GRK2: variants seen among roughly 807,000 people sequenced by gnomAD.
GRK2 encodes adrenergic beta receptor kinase 1.
In GRK2, 23 loss-of-function variants were observed where a neutral mutation model predicts 97.8. That is an observed-to-expected ratio of 0.24 (90% CI 0.17 to 0.33). The LOEUF (loss-of-function observed/expected upper bound fraction) is 0.33, where lower values mean the gene tolerates loss of function less well. Ranked by LOEUF, GRK2 falls within the 10% of genes least tolerant of loss-of-function variation. GRK2 has a pLI of 1.00. For missense variants in GRK2, 633 were observed against 956.9 expected (o/e 0.66, Z 4.47); for synonymous variants, 425 against 381.7 (o/e 1.11, Z -1.32).
At chr11:67,280,897 C>A in intron 7 of GRK2, 114 bp downstream of exon 7, 2 of 1,335,770 alleles carry the variant, frequency 1.5e-6, no homozygotes, top group Non-Finnish European at 2.1e-6. Flanking sequence ...GTCCTTTAGC[C>A]CCCAGGGCCG....
At position 67,281,285 on chromosome 11, in the gene GRK2, A is replaced by T; in HGVS notation, c.647+101A>T. On this transcript the variant is annotated intron_variant, in intron 8 of 20. Transcript: ENST00000308595. This position sits in a 1 kb window ranked among gnomAD's most constrained non-coding sequence, Gnocchi z 5.7. The stretch of plus-strand genomic sequence containing the variant: ...CACAGGGCCACCTGCTGCTCCATGC[A>T]CTCCTGTCTTGCCGTGCTGTTACCC... The T allele has an allele frequency of 8.6e-7, 1 of 1,164,920 alleles. No homozygotes were observed. Among genetic ancestry groups the T allele is most frequent in the Non-Finnish European group, 1.2e-6 (1 of 802,602 alleles). The allele number at this position is 1,164,920 out of a possible 1,614,324, so 72.2% of individuals were successfully genotyped here.
chr11:67,267,549 C>T (rs576461712), intron 1 of GRK2, among the ~76,000 whole-genome samples: 2 of 152,332 alleles, frequency 1.3e-5, no homozygotes, highest in South Asian at 2.1e-4. Flanking sequence ...TCTGGCAGGC[C>T]CTGCATATGG....
chr11:67,282,036 AG>A lies in GRK2; in HGVS notation c.957+85del, dbSNP rs1860163991. The A allele has an allele frequency of 6.4e-7, 1 of 1,570,756 alleles. No homozygotes were observed. Among genetic ancestry groups the A allele is most frequent in the African/African-American group, 1.4e-5 (1 of 74,070 alleles). On this transcript the variant is annotated intron_variant, in intron 11 of 20. Coordinates refer to ENST00000308595, the MANE Select transcript of GRK2 (RefSeq NM_001619.5). The surrounding 1 kb of genome is among the most constrained non-coding windows in gnomAD (Gnocchi z 6.9). Reference sequence around the variant, plus strand: ...ACATCCCGGCCACCAGGCCCAGAGGAGTGGGGCTCCTGGGACATGGCCGCCC... The same window carrying A: ...ACATCCCGGCCACCAGGCCCAGAGGATGGGGCTCCTGGGACATGGCCGCCC...
At chr11:67,284,501 G>A in intron 18 of GRK2, 128 bp downstream of exon 18, 2 of 1,166,416 alleles carry the variant, frequency 1.7e-6, no homozygotes, top group South Asian at 3.0e-5. Context: ...AACTCAGGCT[G>A]GGGCCGGGCA....
chr11:67,282,868 G>A lies in GRK2; in HGVS notation c.1227+50G>A. On this transcript the variant is annotated intron_variant, in intron 14 of 20. Transcript: ENST00000308595. The surrounding 1 kb of genome is among the most constrained non-coding windows in gnomAD (Gnocchi z 6.9). ...CCGCAGGGGGCTGGGGGGAGCTCCT[G>A]TGGGTGCCAGGCCATGACTCTTGCT... is the stretch of plus-strand genomic sequence containing the variant. 1.3e-6 allele frequency: 2 copies of A among 1,559,366 alleles called. No homozygotes were observed. The highest frequency in any genetic ancestry group is 2.3e-5 in the South Asian group (2 of 87,738).
chr11:67,280,088 C>T, intron 6 of GRK2, 188 bp downstream of exon 6: 2 of 628,748 alleles, frequency 3.2e-6, no homozygotes, highest in East Asian at 2.8e-5. Context: ...CCCACCCTGC[C>T]CTCCTCAGCA....
intron 2 of GRK2, among the ~76,000 whole-genome samples, chr11:67,277,566 C>T (rs1470894946): frequency 1.3e-5 from 2 of 152,234 alleles, no homozygotes. Context: ...GGGGTGGGGG[C>T]CCAGAGTCTT....
rs1330250017 is a variant in GRK2, at chr11:67,276,960, G to T, written c.114-312G>T. On this transcript the variant is annotated intron_variant, in intron 1 of 20. Transcript: ENST00000308595. This position sits in a 1 kb window ranked among gnomAD's most constrained non-coding sequence, Gnocchi z 4.2. ...AAACCAGGCTTGGCTTTTGTGACTT[G>T]GCCAAGTTCCCAAAGCCAGCCGGTG... 2 of 259,928 alleles carry T rather than the reference G, an allele frequency of 7.7e-6. No individual in the cohort carries two copies. Among genetic ancestry groups the T allele is most frequent in the Non-Finnish European group, 7.4e-6 (1 of 134,666 alleles). 16.1% of individuals were successfully genotyped at this position (259,928 alleles called of 1,614,324 possible).
Position 67,282,507 on chromosome 11 carries a change from C to T in GRK2, c.1125C>T (p.Phe375=), listed in dbSNP as rs1365151324. Reference sequence around the variant, plus strand: ...CCTACGACAGCAGTGCCGACTGGTTCTCTCTGGGGTGCATGCTCTTCAAGT... The same window carrying T: ...CCTACGACAGCAGTGCCGACTGGTTTTCTCTGGGGTGCATGCTCTTCAAGT... ...GVAYDSSADW[F]SLGCMLFKLL... is the part of the protein sequence containing the mutation. The change falls in exon 13 of 21, where the codon TTC becomes TTT. Residue 375 remains phenylalanine, a synonymous_variant. Coordinates refer to ENST00000308595, the MANE Select transcript of GRK2 (RefSeq NM_001619.5). The surrounding 1 kb of genome is among the most constrained non-coding windows in gnomAD (Gnocchi z 6.9). 2 of 1,613,724 alleles carry T rather than the reference C, an allele frequency of 1.2e-6. No individual in the cohort carries two copies. Among genetic ancestry groups the T allele is most frequent in the Non-Finnish European group, 1.7e-6 (2 of 1,179,988 alleles).
chr11:67,266,927 C>T, intron 1 of GRK2, 115 bp downstream of exon 1: 1 of 365,414 alleles, frequency 2.7e-6, no homozygotes, highest in Non-Finnish European at 4.4e-6. Context: ...CCGGCTCTCG[C>T]AACCCCCTGT....
Position 67,281,810 on chromosome 11 carries a change from T to C in GRK2, c.827-12T>C. Reference sequence around the variant, plus strand: ...AGACACTGAGTGCTGCCTGTGGGACTGCCTCCCTCAGGTGGGGACCTGCAC... The same window carrying C: ...AGACACTGAGTGCTGCCTGTGGGACCGCCTCCCTCAGGTGGGGACCTGCAC... On this transcript the variant is annotated splice_polypyrimidine_tract_variant and intron_variant, in intron 10 of 20. Coordinates refer to ENST00000308595, the MANE Select transcript of GRK2 (RefSeq NM_001619.5). The surrounding 1 kb of genome is among the most constrained non-coding windows in gnomAD (Gnocchi z 5.7). The C allele has an allele frequency of 6.2e-7, 1 of 1,613,678 alleles. No homozygotes were observed. Among genetic ancestry groups the C allele is most frequent in the Non-Finnish European group, 8.5e-7 (1 of 1,179,968 alleles).
rs1017436404 is a variant in GRK2 at position 67,277,042 on chromosome 11, C to T, written c.114-230C>T. 8.2e-5 allele frequency: 36 copies of T among 436,736 alleles called. 1 individual carries two copies. The highest frequency in any genetic ancestry group is 1.6e-4 in the Admixed American group (4 of 25,120). 27.1% of individuals were successfully genotyped at this position (436,736 alleles called of 1,614,324 possible). ...GGCCTCTGAGCAGGGGGCCACCTGC[C>T]GGCCACCCTGGCCTTTGAGGACACA... is the stretch of plus-strand genomic sequence containing the variant. On this transcript the variant is annotated intron_variant, in intron 1 of 20. Coordinates refer to ENST00000308595, the MANE Select transcript of GRK2 (RefSeq NM_001619.5).
chr11:67,266,765 C>A lies in GRK2; in HGVS notation c.66C>A (p.Ala22=). The change falls in exon 1 of 21, where the codon GCC becomes GCA. Residue 22 remains alanine, a synonymous_variant. Coordinates refer to ENST00000308595, the MANE Select transcript of GRK2 (RefSeq NM_001619.5). ...TGATGGCCATGGAGAAGAGCAAGGC[C>A]ACGCCGGCCGCGCGCGCCAGCAAGA... ...SYLMAMEKSK[A]TPAARASKKI... 7.3e-7 allele frequency: 1 copy of A among 1,377,018 alleles called. No homozygotes were observed. Among genetic ancestry groups the A allele is most frequent in the Non-Finnish European group, 9.5e-7 (1 of 1,053,386 alleles). 85.3% of individuals were successfully genotyped at this position (1,377,018 alleles called of 1,614,324 possible).
chr11:67,270,578 C>T (rs1005166108), intron 1 of GRK2, among the ~76,000 whole-genome samples: 1 of 152,240 alleles, frequency 6.6e-6, no homozygotes, highest in African/African-American at 2.4e-5. Flanking sequence ...TCCTGCAGCA[C>T]CAGCTGAAAC....
intron 1 of GRK2, 69 bp downstream of exon 1, chr11:67,266,881 GC>G: frequency 1.3e-6 from 1 of 757,464 alleles, no homozygotes; most frequent in Non-Finnish European, 1.8e-6. Context: ...CGAGACCCTG[GC>G]CCCATGCTCG....
intron 17 of GRK2, 119 bp from the exon 18 acceptor site, chr11:67,284,092 G>A (rs550239564): frequency 1.9e-5 from 28 of 1,477,216 alleles, no homozygotes; most frequent in Admixed American, 1.4e-4. Context: ...AACTTCCCTG[G>A]GGGGTGGCAG....
chr11:67,271,840 A>G (rs564761931), intron 1 of GRK2, among the ~76,000 whole-genome samples: 12 of 152,254 alleles, frequency 7.9e-5, no homozygotes, highest in Admixed American at 7.2e-4. Flanking sequence ...AGTCATTGAG[A>G]AACATTAAGA....
At chr11:67,273,148 C>T (rs549578232) in intron 1 of GRK2, among the ~76,000 whole-genome samples, 3 of 152,232 alleles carry the variant, frequency 2.0e-5, no homozygotes, top group African/African-American at 2.4e-5. Context: ...CCTCATTTTA[C>T]AGCTGGGGAA....
intron 2 of GRK2, among the ~76,000 whole-genome samples, chr11:67,277,767 C>T (rs56337023): frequency 0.73 from 110,807 of 152,180 alleles, 46,086 homozygotes; most frequent in Non-Finnish European, 0.93. Context: ...AGCAACCTGC[C>T]TGGTGTTGGC....
Sources: allele counts gnomAD v4.1 joint callset (sites outside exome capture counted in the v4.1 genomes callset), GRCh38; gene constraint gnomAD v4.1.1; non-coding constraint Gnocchi (gnomAD v3.1); transcripts MANE v1.5; gene names NCBI Gene and HGNC (gene_info 2026-07-23, HGNC 2026-07-21).